KCNIP3: variants seen among roughly 807,000 people sequenced by gnomAD.
KCNIP3 encodes potassium voltage-gated channel interacting protein 3, also known as calsenilin.
Under a neutral mutation model 35.0 loss-of-function variants are expected in KCNIP3, and 28 were observed. The observed-to-expected ratio is 0.80, with a 90% CI of 0.59 to 1.10. The LOEUF is 1.10. KCNIP3 is among the 50% of genes least tolerant of loss of function. The probability of loss-of-function intolerance (pLI) is 0.00; values close to 1 mark genes in which losing one functional copy is unlikely to be tolerated. For synonymous variants in KCNIP3, 134 were observed against 133.8 expected (o/e 1.00, Z -0.01); for missense variants, 295 against 338.4 (o/e 0.87, Z 1.01).
intron 8 of KCNIP3, 46 bp from the exon 9 acceptor site, chr2:95,383,956 G>A: frequency 1.9e-6 from 3 of 1,571,266 alleles, no homozygotes; most frequent in Non-Finnish European, 1.8e-6. Flanking sequence ...GGTCGGATTT[G>A]GAGCCCACCC....
chr2:95,364,584 T>A (rs186820440), intron 2 of KCNIP3, among the ~76,000 whole-genome samples: 127 of 152,286 alleles, frequency 8.3e-4, no homozygotes, highest in African/African-American at 3.0e-3. Context: ...CCCAGCACCA[T>A]GCTCATGGTA....
intron 2 of KCNIP3, among the ~76,000 whole-genome samples, chr2:95,366,459 C>A (rs1393144978): frequency 6.6e-6 from 1 of 152,132 alleles, no homozygotes; most frequent in Non-Finnish European, 1.5e-5. Context: ...TTTGTATATA[C>A]AGTTTGGGGC....
At chr2:95,348,498 A>G (rs1419444818) in intron 2 of KCNIP3, among the ~76,000 whole-genome samples, 2 of 152,078 alleles carry the variant, frequency 1.3e-5, no homozygotes, top group Non-Finnish European at 2.9e-5. Context: ...TGATCTCTCC[A>G]TTGCTCTTCC....
At position 95,353,636 on chromosome 2, in the gene KCNIP3, T is replaced by G. The variant is rs1679581939; in HGVS notation, c.182-20660T>G. 2.0e-5 allele frequency among the ~76,000 whole-genome samples: 3 copies of G among 152,212 alleles called. No individual in the cohort carries two copies. In the South Asian group the frequency reaches 6.2e-4, roughly 32 times the overall value. On this transcript the variant is annotated intron_variant, in intron 2 of 8. Coordinates refer to ENST00000295225, the MANE Select transcript of KCNIP3 (RefSeq NM_013434.5). ...CTGAGCCAAAAACACTTTGGAAAAGTTGAAAGAGGAACTCAGATCTCAGAA... is the reference window on the plus strand; with the variant it reads ...CTGAGCCAAAAACACTTTGGAAAAGGTGAAAGAGGAACTCAGATCTCAGAA...
At chr2:95,318,859 A>G (rs1267117758) in intron 2 of KCNIP3, among the ~76,000 whole-genome samples, 1 of 152,202 alleles carries the variant, frequency 6.6e-6, no homozygotes, top group Admixed American at 6.5e-5. Flanking sequence ...GATGTCCCTA[A>G]AACAAAGATG....
rs139905915 is a variant in KCNIP3 at position 95,376,034 on chromosome 2, C to T, written c.447+826C>T. On this transcript the variant is annotated intron_variant, in intron 5 of 8. Coordinates refer to ENST00000295225, the MANE Select transcript of KCNIP3 (RefSeq NM_013434.5). The surrounding 1 kb of genome is among the most constrained non-coding windows in gnomAD (Gnocchi z 4.2). The stretch of plus-strand genomic sequence containing the variant: ...TAAGCTGCGCGGGTTATTTTTATGC[C>T]GCAAGCCCGCCAGGCACACTGACGC... 4.6e-5 allele frequency among the ~76,000 whole-genome samples: 7 copies of T among 152,290 alleles called. No homozygotes were observed. The highest frequency in any genetic ancestry group is 4.1e-4 in the South Asian group (2 of 4,828).
intron 2 of KCNIP3, among the ~76,000 whole-genome samples, chr2:95,367,233 A>G (rs1558775943): frequency 6.6e-6 from 1 of 152,208 alleles, no homozygotes; most frequent in African/African-American, 2.4e-5. Context: ...AGATCATGCC[A>G]CTGCACTCCA....
intron 2 of KCNIP3, among the ~76,000 whole-genome samples, chr2:95,350,892 CT>C (rs936804761): frequency 8.5e-5 from 13 of 152,230 alleles, no homozygotes; most frequent in African/African-American, 3.1e-4. Flanking sequence ...CCATCAGTGC[CT>C]TTCTCTGGGT....
Position 95,384,435 on chromosome 2 carries a change from C to T in KCNIP3, c.*386C>T, listed in dbSNP as rs893448137. The stretch of plus-strand genomic sequence containing the variant: ...TCCAATCTCCGGTGTGAGCCCACCT[C>T]GTCCCGTTCTCCATTCTGCTTTCTT... On this transcript the variant is annotated 3_prime_UTR_variant, in exon 9 of 9. Transcript: ENST00000295225. The T allele has an allele frequency of 1.2e-5, 3 of 257,270 alleles. No homozygotes were observed. Among genetic ancestry groups the T allele is most frequent in the South Asian group, 1.3e-4 (2 of 15,240 alleles). The allele number at this position is 257,270 out of a possible 1,614,324, so 15.9% of individuals were successfully genotyped here.
intron 1 of KCNIP3, among the ~76,000 whole-genome samples, chr2:95,301,717 AC>A (rs970826789): frequency 1.3e-5 from 2 of 151,744 alleles, no homozygotes; most frequent in African/African-American, 2.4e-5. Context: ...ACTCAAGTTC[AC>A]CCCTGGGTTA....
At chr2:95,372,214 TCC>T (rs1680057280) in intron 2 of KCNIP3, among the ~76,000 whole-genome samples, 2 of 152,064 alleles carry the variant, frequency 1.3e-5, no homozygotes, top group Non-Finnish European at 2.9e-5. Flanking sequence ...TTACCATCCA[TCC>T]ATCCATCCAT....
intron 3 of KCNIP3, 107 bp from the exon 4 acceptor site, chr2:95,374,741 C>A: frequency 7.7e-7 from 1 of 1,306,844 alleles, no homozygotes; most frequent in South Asian, 1.3e-5. Flanking sequence ...GTGCCACAGG[C>A]AGCAGGCAGC....
At chr2:95,357,359 G>A (rs936594540) in intron 2 of KCNIP3, among the ~76,000 whole-genome samples, 14 of 152,154 alleles carry the variant, frequency 9.2e-5, no homozygotes, top group African/African-American at 2.2e-4. Flanking sequence ...TGAGATCCCC[G>A]GCCTGGGACA....
chr2:95,341,301 T>G (rs1345750556), intron 2 of KCNIP3, among the ~76,000 whole-genome samples: 6 of 152,206 alleles, frequency 3.9e-5, no homozygotes, highest in Non-Finnish European at 8.8e-5. Flanking sequence ...CTGCTCCCCC[T>G]TCACCTTCCA....
Position 95,378,556 on chromosome 2 carries a change from G to A in KCNIP3, c.448-3040G>A, listed in dbSNP as rs1249108358. Among the ~76,000 whole-genome samples, 1 of 148,668 alleles carries A rather than the reference G, an allele frequency of 6.7e-6. No individual in the cohort carries two copies. The highest frequency in any genetic ancestry group is 1.5e-5 in the Non-Finnish European group (1 of 67,460). ...TTGAGACAAGCCTGGCCAACATAGC[G>A]AAACCCCGTCTCTACTAAAAATACA... On this transcript the variant is annotated intron_variant, in intron 5 of 8. Transcript: ENST00000295225. This position sits in a 1 kb window ranked among gnomAD's most constrained non-coding sequence, Gnocchi z 4.0.
At chr2:95,337,932 G>C (rs534564298) in intron 2 of KCNIP3, among the ~76,000 whole-genome samples, 1 of 152,330 alleles carries the variant, frequency 6.6e-6, no homozygotes, top group South Asian at 2.1e-4. Flanking sequence ...GAAAGTCCAG[G>C]CCCAACCACG....
At chr2:95,343,348 C>T (rs865941969) in intron 2 of KCNIP3, among the ~76,000 whole-genome samples, 2 of 152,190 alleles carry the variant, frequency 1.3e-5, no homozygotes, top group Middle Eastern at 3.4e-3. Flanking sequence ...GCATTCTTGT[C>T]TGGTTTCTAT....
intron 2 of KCNIP3, among the ~76,000 whole-genome samples, chr2:95,323,509 C>G (rs1214458427): frequency 6.6e-6 from 1 of 151,846 alleles, no homozygotes; most frequent in African/African-American, 2.4e-5. Context: ...AAGGGCCCCT[C>G]CCTGCGGGTG....
At chr2:95,328,229 G>A (rs1209936266) in intron 2 of KCNIP3, among the ~76,000 whole-genome samples, 1 of 119,290 alleles carries the variant, frequency 8.4e-6, no homozygotes, top group Non-Finnish European at 1.8e-5. Flanking sequence ...CCCCTCCCCC[G>A]GCCCCTCTGG....
Sources: gnomAD v4.1 joint callset for allele counts (sites outside exome capture counted in the v4.1 genomes callset) on GRCh38, gnomAD v4.1.1 for gene constraint, Gnocchi (gnomAD v3.1) non-coding constraint, MANE v1.5 for transcripts, NCBI Gene and HGNC (gene_info 2026-07-23, HGNC 2026-07-21) for gene names.